Variants in COL6A2 observed in about 807,000 individuals in gnomAD.
COL6A2 encodes the protein collagen type VI alpha 2 chain, also known as collagen alpha-2(VI) chain.
A neutral mutation model predicts 124.9 loss-of-function variants in COL6A2; 90 were observed. The observed-to-expected ratio is 0.72, with a 90% CI of 0.61 to 0.86. The LOEUF is 0.86. COL6A2 is among the 40% of genes least tolerant of loss of function. The pLI is 0.00. For synonymous variants in COL6A2, 793 were observed against 618.2 expected (o/e 1.28, Z -4.19); for missense variants, 1,607 against 1,502.5 (o/e 1.07, Z -1.15).
At chr21:46,123,989 GTAGGTGGGTGGATGGATGGT>G (rs1293751261) in intron 21 of COL6A2, among the ~76,000 whole-genome samples, 3 of 150,594 alleles carry the variant, frequency 2.0e-5, no homozygotes, top group Non-Finnish European at 3.0e-5. Flanking sequence ...GGGGGGATGG[GTAGGTGGGTGGATGGATGGT>G]TAGGTGAATG....
chr21:46,119,644 G>A, intron 14 of COL6A2, 144 bp from the exon 15 acceptor site: 1 of 704,048 alleles, frequency 1.4e-6, no homozygotes, highest in South Asian at 1.8e-5. Context: ...CTGTTGGGAA[G>A]GAGCCTGGGG....
chr21:46,098,854 CCGCCCACACCCGCCCTGGGACT>C (rs1392049968), intron 1 of COL6A2: 3 of 152,354 alleles, frequency 2.0e-5, no homozygotes, highest in African/African-American at 7.2e-5. Flanking sequence ...CCCTGCCGGG[CCGCCCACACCCGCCCTGGGACT>C]CCGCCGGGGC....
At position 46,126,020 on chromosome 21, in the gene COL6A2, C is replaced by A; in HGVS notation, c.2205C>A (p.His735Gln). 1 of 1,612,946 alleles carries A rather than the reference C, an allele frequency of 6.2e-7. No homozygotes were observed. Residue 735 changes from histidine (H) to glutamine (Q), a missense_variant, in exon 26 of 28, where the codon CAC becomes CAA. Transcript: ENST00000300527. ...CGGTGGTCATCACGGACGGGCGCCA[C>A]GACCCTCGGGACGATGACCTCAACT... is the stretch of plus-strand genomic sequence containing the variant. Reference protein sequence around the residue: ...VFAVVITDGRHDPRDDDLNLR... With the variant: ...VFAVVITDGRQDPRDDDLNLR...
At chr21:46,121,673 G>A (rs1257495751) in intron 18 of COL6A2, 55 bp downstream of exon 18, 10 of 1,580,114 alleles carry the variant, frequency 6.3e-6, no homozygotes, top group African/African-American at 1.3e-5. Context: ...GCTGCCTGAG[G>A]AGCAGGACAG....
Position 46,121,169 on chromosome 21 carries a change from G to C in COL6A2, c.1458+46G>C, listed in dbSNP as rs773430558. ...CCGGTGCCCTCTGACCCCACGGGTG[G>C]GTCTCCCCTATCCATGTGGGGACAG... On this transcript the variant is annotated intron_variant, in intron 17 of 27. Transcript: ENST00000300527. 3.2e-6 allele frequency: 5 copies of C among 1,578,760 alleles called. No homozygotes were observed. The East Asian group carries it at 1.1e-4, about 35-fold the overall frequency.
intron 27 of COL6A2, chr21:46,128,978 T>G: frequency 6.2e-7 from 1 of 1,608,388 alleles, no homozygotes. Flanking sequence ...ACCGTGCGGG[T>G]CTCCTAGCTC....
intron 27 of COL6A2, among the ~76,000 whole-genome samples, chr21:46,131,416 C>T (rs1484365839): frequency 6.6e-6 from 1 of 152,230 alleles, no homozygotes; most frequent in African/African-American, 2.4e-5. Flanking sequence ...CCCCTGTGCC[C>T]ACTGCTCCCC....
At chr21:46,118,153 C>T (rs1318443174) in intron 12 of COL6A2, among the ~76,000 whole-genome samples, 1 of 152,050 alleles carries the variant, frequency 6.6e-6, no homozygotes, top group Non-Finnish European at 1.5e-5. Flanking sequence ...CTCACCGAGG[C>T]CTCGGCAACA....
At chr21:46,103,781 C>G (rs1174257066) in intron 1 of COL6A2, among the ~76,000 whole-genome samples, 3 of 151,976 alleles carry the variant, frequency 2.0e-5, no homozygotes, top group Admixed American at 2.0e-4. Flanking sequence ...CTTTCAAAAT[C>G]TATTGACACA....
Position 46,125,259 on chromosome 21 carries a change from A to G in COL6A2, c.1771-7A>G. 3.7e-6 allele frequency: 6 copies of G among 1,611,972 alleles called. No homozygotes were observed. Among genetic ancestry groups the G allele is most frequent in the Non-Finnish European group, 4.2e-6 (5 of 1,179,414 alleles). ...GGGGACTACCCTGCCTGCCGTGTGC[A>G]TTGCAGGAGTGTGACGTCATGACCT... is the stretch of plus-strand genomic sequence containing the variant. On this transcript the variant is annotated splice_region_variant and splice_polypyrimidine_tract_variant and intron_variant, in intron 23 of 27. Coordinates refer to ENST00000300527, the MANE Select transcript of COL6A2 (RefSeq NM_001849.4).
intron 27 of COL6A2, chr21:46,129,296 G>A: frequency 6.2e-7 from 1 of 1,612,954 alleles, no homozygotes; most frequent in East Asian, 2.2e-5. Flanking sequence ...TCCAACAGTT[G>A]CTAAACGCCA....
intron 27 of COL6A2, among the ~76,000 whole-genome samples, chr21:46,130,159 G>C (rs73908544): frequency 3.4e-4 from 52 of 152,190 alleles, no homozygotes; most frequent in Non-Finnish European, 6.6e-4. Flanking sequence ...ATCTGGGCTG[G>C]TGTCATGCAC....
chr21:46,115,506 C>T (rs2078457480), intron 5 of COL6A2, among the ~76,000 whole-genome samples: 1 of 152,200 alleles, frequency 6.6e-6, no homozygotes, highest in South Asian at 2.1e-4. Flanking sequence ...AGGAATTAAT[C>T]TTTGTAGTGA....
rs781235855 is a variant in COL6A2 at position 46,125,602 on chromosome 21, C to T, written c.1954C>T (p.Pro652Ser). ...CAGGCTGGGTGCCATCGCTAAGGAC[C>T]CCAAGTCCGAGACAGGTCAGCGGGG... is the stretch of plus-strand genomic sequence containing the variant. ...VNRLGAIAKD[P>S]KSETGTRVGV... The change falls in exon 25 of 28, where the codon CCC (proline) becomes TCC (serine). Residue 652 changes from proline to serine, a missense_variant. Pro to Ser is a moderately conservative substitution (Grantham distance 74, BLOSUM62 -1). Transcript: ENST00000300527. 6 of 1,612,602 alleles carry T rather than the reference C, an allele frequency of 3.7e-6. No individual in the cohort carries two copies. The African/African-American group carries it at 6.7e-5, about 18-fold the overall frequency.
intron 21 of COL6A2, 116 bp downstream of exon 21, chr21:46,123,053 T>A: frequency 9.9e-7 from 1 of 1,006,628 alleles, no homozygotes; most frequent in Non-Finnish European, 1.6e-6. Flanking sequence ...GCCCCAGCCA[T>A]GAGCACCACC....
chr21:46,131,857 G>GGCAGGGTGCGAATGGAAGGGC (rs2078764192), intron 27 of COL6A2, 97 bp from the exon 28 acceptor site: 2 of 1,171,948 alleles, frequency 1.7e-6, no homozygotes, highest in Admixed American at 2.0e-5. Context: ...TGAGGTTGCA[G>GGCAGGGTGCGAATGGAAGGGC]GCAGGGTGCG....
chr21:46,117,744 A>C, intron 11 of COL6A2, 130 bp from the exon 12 acceptor site: 6 of 873,766 alleles, frequency 6.9e-6, no homozygotes, highest in Non-Finnish European at 1.0e-5. Context: ...CCTCTTGGTC[A>C]CTGAGCCTGG....
At chr21:46,129,441 G>C (rs765099811) in intron 27 of COL6A2, 14 of 1,605,896 alleles carry the variant, frequency 8.7e-6, no homozygotes, top group Non-Finnish European at 1.2e-5. Flanking sequence ...CTTTAAGCTG[G>C]TGCACAGGGA....
Position 46,132,099 on chromosome 21 carries a change from C to A in COL6A2, c.2607C>A (p.Asp869Glu), listed in dbSNP as rs150219725. ...VARRLTLARR[D>E]DDPLNARVAL... ...GGCGGCTGACGCTGGCCCGGAGGGA[C>A]GACGACCCTCTCAACGCACGCGTGG... Residue 869 changes from aspartate to glutamate, a missense_variant, in exon 28 of 28, where the codon GAC (aspartate) becomes GAA (glutamate). Asp to Glu is a conservative substitution (Grantham distance 45). Coordinates refer to ENST00000300527, the MANE Select transcript of COL6A2 (RefSeq NM_001849.4). The A allele has an allele frequency of 6.3e-7, 1 of 1,594,292 alleles. No individual in the cohort carries two copies. Among genetic ancestry groups the A allele is most frequent in the Non-Finnish European group, 8.5e-7 (1 of 1,173,250 alleles).
Sources: gnomAD v4.1 joint callset for allele counts (sites outside exome capture counted in the v4.1 genomes callset) on GRCh38, gnomAD v4.1.1 for gene constraint, MANE v1.5 for transcripts, NCBI Gene and HGNC (gene_info 2026-07-23, HGNC 2026-07-21) for gene names.